ACVR1C: variants seen among roughly 807,000 people sequenced by gnomAD.
The protein encoded by ACVR1C is activin receptor type-1C.
A neutral mutation model predicts 57.9 loss-of-function variants in ACVR1C; 23 were observed. That is an observed-to-expected ratio of 0.40 (90% CI 0.29 to 0.56). The LOEUF is 0.56. ACVR1C is among the 20% of genes least tolerant of loss of function. ACVR1C has a pLI of 0.50. For missense variants in ACVR1C, 480 were observed against 607.9 expected (o/e 0.79, Z 2.21); for synonymous variants, 214 against 215.3 (o/e 0.99, Z 0.05).
intron 1 of ACVR1C, among the ~76,000 whole-genome samples, chr2:157,591,113 A>T (rs1313660144): frequency 1.3e-5 from 2 of 152,008 alleles, no homozygotes; most frequent in African/African-American, 4.8e-5. Context: ...ATATATTTGT[A>T]ATCCATAAAG....
chr2:157,550,056 G>T, intron 4 of ACVR1C, 106 bp downstream of exon 4: 3 of 857,774 alleles, frequency 3.5e-6, no homozygotes, highest in Non-Finnish European at 5.2e-6. Context: ...AAGAAGAGGT[G>T]AATTTATTTT....
chr2:157,545,356 G>A (rs1301622440), intron 4 of ACVR1C, among the ~76,000 whole-genome samples: 2 of 152,096 alleles, frequency 1.3e-5, no homozygotes, highest in Admixed American at 1.3e-4. Flanking sequence ...ATTTGCTAAG[G>A]ACCTATCTGG....
chr2:157,527,212 T>A lies in ACVR1C; in HGVS notation c.*6706A>T, dbSNP rs980026887. On this transcript the variant is annotated 3_prime_UTR_variant, in exon 9 of 9. Coordinates refer to ENST00000243349, the MANE Select transcript of ACVR1C (RefSeq NM_145259.3). Reference sequence around the variant, plus strand: ...TTTAAATTACAACTACTAAAATCCATCTACATATTTTTGATACAGTTTATT... The same window carrying A: ...TTTAAATTACAACTACTAAAATCCAACTACATATTTTTGATACAGTTTATT... 6.6e-6 allele frequency: 1 copy of A among 152,184 alleles called. No homozygotes were observed. The highest frequency in any genetic ancestry group is 1.5e-5 in the Non-Finnish European group (1 of 68,034). The allele number at this position is 152,184 out of a possible 1,614,324, so 9.4% of individuals were successfully genotyped here.
chr2:157,575,795 T>G (rs2105245033), intron 2 of ACVR1C, among the ~76,000 whole-genome samples: 1 of 152,256 alleles, frequency 6.6e-6, no homozygotes, highest in South Asian at 2.1e-4. Flanking sequence ...CATATTAACT[T>G]TTGACTCATT....
intron 4 of ACVR1C, among the ~76,000 whole-genome samples, chr2:157,544,815 C>A (rs1687711186): frequency 6.6e-6 from 1 of 152,050 alleles, no homozygotes; most frequent in Non-Finnish European, 1.5e-5. Flanking sequence ...GTTATATGTG[C>A]CCACCATAAA....
chr2:157,586,976 A>G (rs897136970), intron 2 of ACVR1C, among the ~76,000 whole-genome samples: 1 of 152,176 alleles, frequency 6.6e-6, no homozygotes, highest in African/African-American at 2.4e-5. Flanking sequence ...CAAAATTGTT[A>G]CGTTATTGTC....
intron 1 of ACVR1C, among the ~76,000 whole-genome samples, chr2:157,590,443 A>C (rs1322836557): frequency 2.0e-5 from 3 of 151,918 alleles, no homozygotes; most frequent in African/African-American, 7.2e-5. Flanking sequence ...ATTCTATATC[A>C]ATCATATAGA....
At chr2:157,595,777 T>C (rs1168251789) in intron 1 of ACVR1C, among the ~76,000 whole-genome samples, 1 of 152,180 alleles carries the variant, frequency 6.6e-6, no homozygotes, top group Non-Finnish European at 1.5e-5. Context: ...AGCTGTGATA[T>C]AACAAGTTTC....
intron 1 of ACVR1C, among the ~76,000 whole-genome samples, chr2:157,619,336 A>G (rs1682716271): frequency 6.6e-6 from 1 of 152,146 alleles, no homozygotes; most frequent in African/African-American, 2.4e-5. Context: ...AAAGGAAACT[A>G]GTAAAGATTT....
chr2:157,580,066 A>AACAC (rs371320436), intron 2 of ACVR1C, among the ~76,000 whole-genome samples: 1 of 149,522 alleles, frequency 6.7e-6, no homozygotes, highest in Non-Finnish European at 1.5e-5. Flanking sequence ...TCTTGCAATT[A>AACAC]ACACACACAC....
chr2:157,554,196 GAAGAGAGAAAGAAAGA>G (rs1386730565), intron 3 of ACVR1C, among the ~76,000 whole-genome samples: 1 of 19,612 alleles, frequency 5.1e-5, no homozygotes, highest in African/African-American at 2.4e-4. Flanking sequence ...AAAAAATAAA[GAAGAGAGAAAGAAAGA>G]AAGAAAGAAA....
chr2:157,609,773 G>A (rs780798711), intron 1 of ACVR1C, among the ~76,000 whole-genome samples: 4 of 151,678 alleles, frequency 2.6e-5, no homozygotes, highest in East Asian at 1.9e-4. Flanking sequence ...TAAGTATAAC[G>A]GCTCCTGTTC....
At chr2:157,587,495 A>G in intron 1 of ACVR1C, 78 bp from the exon 2 acceptor site, 1 of 1,099,272 alleles carries the variant, frequency 9.1e-7, no homozygotes, top group Non-Finnish European at 1.3e-6. Flanking sequence ...GGGAATATAA[A>G]TTCAATCTTA....
At chr2:157,557,228 C>G (rs1688126297) in intron 2 of ACVR1C, among the ~76,000 whole-genome samples, 1 of 151,306 alleles carries the variant, frequency 6.6e-6, no homozygotes, top group African/African-American at 2.4e-5. Context: ...AAGGAAAGGA[C>G]TGTGAATTTT....
intron 8 of ACVR1C, 117 bp downstream of exon 8, chr2:157,538,456 A>G: frequency 2.0e-6 from 2 of 999,434 alleles, no homozygotes; most frequent in Non-Finnish European, 2.7e-6. Context: ...ACTTATAAAA[A>G]GACGTATGTC....
Position 157,556,258 on chromosome 2 carries a change from T to C in ACVR1C, c.379A>G (p.Ile127Val), listed in dbSNP as rs1688097796. The C allele has an allele frequency of 1.2e-6, 2 of 1,614,170 alleles. No homozygotes were observed. Among genetic ancestry groups the C allele is most frequent in the East Asian group, 2.2e-5 (1 of 44,888 alleles). ...GCCCATACTGTCAGCATCGCAGCTA[T>C]GGACAGGAGGCAAACAGGCACAGTA... is the stretch of plus-strand genomic sequence containing the variant. ...IITVPVCLLS[I>V]AAMLTVWACQ... Residue 127 changes from isoleucine (I) to valine (V), a missense_variant, in exon 3 of 9, where the codon ATA becomes GTA. Physicochemically the swap from Ile to Val is conservative, Grantham distance 29. Coordinates refer to ENST00000243349, the MANE Select transcript of ACVR1C (RefSeq NM_145259.3).
At chr2:157,548,796 C>T (rs140606449) in intron 4 of ACVR1C, among the ~76,000 whole-genome samples, 1 of 152,142 alleles carries the variant, frequency 6.6e-6, no homozygotes, top group Non-Finnish European at 1.5e-5. Context: ...CTACTTGGCA[C>T]CGTTAATGGT....
rs886693339 is a variant in ACVR1C at position 157,534,016 on chromosome 2, G to A, written c.1384C>T (p.Arg462Cys). The A allele has an allele frequency of 5.1e-6, 8 of 1,581,278 alleles. No individual in the cohort carries two copies. The highest frequency in any genetic ancestry group is 1.4e-5 in the African/African-American group (1 of 72,332). The change falls in exon 9 of 9, where the codon CGT becomes TGT. Residue 462 changes from arginine (R) to cysteine (C), a missense_variant. By Grantham distance (180) the Arg-to-Cys change is radical. Coordinates refer to ENST00000243349, the MANE Select transcript of ACVR1C (RefSeq NM_145259.3). Reference protein sequence around the residue: ...EALRVMGRIMRECWYANGAAR... With the variant: ...EALRVMGRIMCECWYANGAAR... Reference sequence around the variant, plus strand: ...GCTCCGTTGGCATACCAACACTCACGCATTATTCTCCCCATGACTCGGAGT... The same window carrying A: ...GCTCCGTTGGCATACCAACACTCACACATTATTCTCCCCATGACTCGGAGT...
intron 2 of ACVR1C, among the ~76,000 whole-genome samples, chr2:157,578,507 G>T (rs888746529): frequency 1.3e-5 from 2 of 152,016 alleles, no homozygotes; most frequent in African/African-American, 4.8e-5. Flanking sequence ...ATGTTCTTTA[G>T]AATTAGTCAC....
Sources: allele counts gnomAD v4.1 joint callset (sites outside exome capture counted in the v4.1 genomes callset), GRCh38; gene constraint gnomAD v4.1.1; transcripts MANE v1.5; gene names NCBI Gene and HGNC (gene_info 2026-07-23, HGNC 2026-07-21).